KCNIP1: variants seen among roughly 807,000 people sequenced by gnomAD.
The protein encoded by KCNIP1 is A-type potassium channel modulatory protein KCNIP1.
Under a neutral mutation model 33.0 loss-of-function variants are expected in KCNIP1, and 18 were observed. The ratio of observed to expected loss-of-function variants is 0.55; its 90% CI spans 0.38 to 0.81. The LOEUF is 0.81. Ranked by LOEUF, KCNIP1 falls within the 30% of genes least tolerant of loss-of-function variation. The probability of loss-of-function intolerance (pLI) is 0.00; values close to 1 mark genes in which losing one functional copy is unlikely to be tolerated. For synonymous variants in KCNIP1, 93 were observed against 98.3 expected, an observed-to-expected ratio of 0.95 and a Z score of 0.32; for missense variants, 238 against 271.6, an observed-to-expected ratio of 0.88 and a Z score of 0.87.
intron 7 of KCNIP1, among the ~76,000 whole-genome samples, chr5:170,735,085 A>C (rs921158406): frequency 6.6e-6 from 1 of 152,226 alleles, no homozygotes; most frequent in South Asian, 2.1e-4. Flanking sequence ...GCCTATACTG[A>C]CATTAACCTT....
At chr5:170,692,257 G>A (rs1338780344) in intron 1 of KCNIP1, among the ~76,000 whole-genome samples, 1 of 152,146 alleles carries the variant, frequency 6.6e-6, no homozygotes, top group Non-Finnish European at 1.5e-5. Context: ...AATGCAACAG[G>A]AAAGAAGCAG....
intron 1 of KCNIP1, among the ~76,000 whole-genome samples, chr5:170,671,858 G>T (rs919660796): frequency 2.0e-5 from 3 of 152,210 alleles, no homozygotes; most frequent in Non-Finnish European, 2.9e-5. Context: ...TATGCTGGGA[G>T]CTTAGACAGT....
chr5:170,364,000 C>CT (rs56966570), intron 1 of KCNIP1, among the ~76,000 whole-genome samples: 1,587 of 135,008 alleles, frequency 0.012, 19 homozygotes, highest in African/African-American at 0.021. Flanking sequence ...AGTGTAATAT[C>CT]TTTTTTTTTT....
chr5:170,359,637 G>T (rs1409023115), intron 1 of KCNIP1, among the ~76,000 whole-genome samples: 1 of 152,108 alleles, frequency 6.6e-6, no homozygotes, highest in Non-Finnish European at 1.5e-5. Context: ...AGGGCTTCTG[G>T]GTCCCTGCCT....
chr5:170,517,653 G>T (rs1327559197), intron 1 of KCNIP1, among the ~76,000 whole-genome samples: 2 of 126,210 alleles, frequency 1.6e-5, no homozygotes, highest in Non-Finnish European at 3.5e-5. Context: ...TGACAGCGAT[G>T]GTGGTATGGT....
At chr5:170,522,738 C>T (rs1044852060) in intron 1 of KCNIP1, among the ~76,000 whole-genome samples, 4 of 152,244 alleles carry the variant, frequency 2.6e-5, no homozygotes, top group African/African-American at 7.2e-5. Flanking sequence ...CCACACCCCA[C>T]GGGTCTGGGT....
At chr5:170,509,938 C>T (rs77626239) in intron 1 of KCNIP1, among the ~76,000 whole-genome samples, 4,285 of 152,258 alleles carry the variant, frequency 0.028, 201 homozygotes, top group African/African-American at 0.099. Flanking sequence ...ATTTCAGGTT[C>T]GTTCACCCTT....
intron 1 of KCNIP1, among the ~76,000 whole-genome samples, chr5:170,487,948 C>T (rs1423729827): frequency 6.6e-6 from 1 of 152,190 alleles, no homozygotes; most frequent in Non-Finnish European, 1.5e-5. Flanking sequence ...CTTTGACTGC[C>T]TCATAAATTT....
chr5:170,699,024 C>A (rs557084169), intron 1 of KCNIP1, among the ~76,000 whole-genome samples: 1 of 152,168 alleles, frequency 6.6e-6, no homozygotes, highest in African/African-American at 2.4e-5. Flanking sequence ...GGGCTCCACC[C>A]CTTCCACATC....
intron 1 of KCNIP1, among the ~76,000 whole-genome samples, chr5:170,534,232 G>A (rs935281281): frequency 1.3e-5 from 2 of 152,140 alleles, no homozygotes; most frequent in Non-Finnish European, 2.9e-5. Context: ...CCTAATTAGA[G>A]GTTCATTGGT....
intron 1 of KCNIP1, among the ~76,000 whole-genome samples, chr5:170,485,193 G>A (rs569015379): frequency 8.5e-5 from 13 of 152,244 alleles, no homozygotes; most frequent in African/African-American, 2.9e-4. Flanking sequence ...GCCTGCCTCG[G>A]CCTCTCAAAG....
chr5:170,500,825 T>C (rs1757396337), upstream of KCNIP1, among the ~76,000 whole-genome samples: 1 of 152,238 alleles, frequency 6.6e-6, no homozygotes, highest in Non-Finnish European at 1.5e-5. Context: ...AAATATCTGG[T>C]ACATGGTAGA....
At chr5:170,448,286 C>T (rs1298506589) in intron 1 of KCNIP1, among the ~76,000 whole-genome samples, 1 of 152,228 alleles carries the variant, frequency 6.6e-6, no homozygotes, top group Non-Finnish European at 1.5e-5. Flanking sequence ...GGGCAATTGC[C>T]CTGTTCCAGG....
chr5:170,365,785 G>A (rs543159710), intron 1 of KCNIP1, among the ~76,000 whole-genome samples: 12 of 152,346 alleles, frequency 7.9e-5, no homozygotes, highest in Admixed American at 2.6e-4. Flanking sequence ...TCACTCCTTC[G>A]AGCCTAGCCT....
At chr5:170,492,450 G>A (rs1757226215) in intron 1 of KCNIP1, among the ~76,000 whole-genome samples, 3 of 152,228 alleles carry the variant, frequency 2.0e-5, no homozygotes, top group Non-Finnish European at 4.4e-5. Context: ...CCAAATCTTG[G>A]TGCTTAGGGG....
chr5:170,454,266 G>C (rs1756322534), intron 1 of KCNIP1, among the ~76,000 whole-genome samples: 1 of 152,162 alleles, frequency 6.6e-6, no homozygotes, highest in African/African-American at 2.4e-5. Flanking sequence ...TTGTTTTCAT[G>C]GTTGACTCGA....
chr5:170,629,767 A>G (rs1759984843), intron 1 of KCNIP1, among the ~76,000 whole-genome samples: 1 of 152,226 alleles, frequency 6.6e-6, no homozygotes, highest in Admixed American at 6.5e-5. Flanking sequence ...CGCAGCATCT[A>G]GTAAGGGCAC....
At chr5:170,630,320 T>C (rs1760008172) in intron 1 of KCNIP1, among the ~76,000 whole-genome samples, 1 of 152,252 alleles carries the variant, frequency 6.6e-6, no homozygotes. Context: ...TGACTTAATG[T>C]ACTGAGTGCT....
upstream of KCNIP1, among the ~76,000 whole-genome samples, chr5:170,500,157 T>C (rs1213724890): frequency 6.6e-6 from 1 of 152,130 alleles, no homozygotes; most frequent in Non-Finnish European, 1.5e-5. Context: ...TCTTTGTGCG[T>C]GGGGGGTCTT....
Sources: gnomAD v4.1 joint callset for allele counts (sites outside exome capture counted in the v4.1 genomes callset) on GRCh38, gnomAD v4.1.1 for gene constraint, MANE v1.5 for transcripts, NCBI Gene and HGNC (gene_info 2026-07-23, HGNC 2026-07-21) for gene names.